The following ALMS1 variants were observed in gnomAD, a reference collection of about 807,000 sequenced individuals.
ALMS1 encodes the protein ALMS1 centrosome and basal body associated protein.
In ALMS1, 271 loss-of-function variants were observed where a neutral mutation model predicts 352.2. The ratio of observed to expected loss-of-function variants is 0.77; its 90% confidence interval spans 0.70 to 0.85. The LOEUF (loss-of-function observed/expected upper bound fraction) is 0.85, where lower values mean the gene tolerates loss of function less well. Ranked by LOEUF, ALMS1 falls within the 40% of genes least tolerant of loss-of-function variation. The pLI, the probability that ALMS1 is intolerant of heterozygous loss-of-function variation, is 0.00. For missense variants in ALMS1, 5,445 were observed against 4,870.7 expected (o/e 1.12, Z -3.51); for synonymous variants, 1,865 against 1,761.2 (o/e 1.06, Z -1.48).
intron 2 of ALMS1, among the ~76,000 whole-genome samples, chr2:73,416,110 A>T (rs973050681): frequency 2.0e-5 from 3 of 152,114 alleles, no homozygotes; most frequent in Non-Finnish European, 2.9e-5. Flanking sequence ...CTAAGAGATG[A>T]CTCGGGACCA....
chr2:73,388,858 C>T (rs965888163), intron 1 of ALMS1, among the ~76,000 whole-genome samples: 6 of 151,742 alleles, frequency 4.0e-5, no homozygotes, highest in African/African-American at 4.8e-5. Context: ...AGTGATACTC[C>T]GCCTTGGCTT....
chr2:73,568,992 C>CCTCTTTTTTTTTTT (rs1558697963), intron 15 of ALMS1, among the ~76,000 whole-genome samples: 2 of 66,904 alleles, frequency 3.0e-5, no homozygotes, highest in African/African-American at 1.0e-4. Flanking sequence ...GCTGCTTCTG[C>CCTCTTTTTTTTTTT]TTCTTTTTTT....
intron 2 of ALMS1, among the ~76,000 whole-genome samples, chr2:73,409,851 A>G (rs1671043518): frequency 6.6e-6 from 1 of 152,192 alleles, no homozygotes; most frequent in South Asian, 2.1e-4. Context: ...AGGAGGGCTG[A>G]TGGTATAGTT....
intron 6 of ALMS1, among the ~76,000 whole-genome samples, chr2:73,428,787 G>A (rs961629875): frequency 1.5e-4 from 23 of 152,178 alleles, no homozygotes; most frequent in Admixed American, 1.2e-3. Context: ...AAAGCAAGGA[G>A]CCAGATGTGG....
At chr2:73,600,002 C>G (rs1486996899) in intron 17 of ALMS1, among the ~76,000 whole-genome samples, 2 of 152,154 alleles carry the variant, frequency 1.3e-5, no homozygotes, top group East Asian at 3.8e-4. Flanking sequence ...GAATGAAATT[C>G]TACATAGAAT....
chr2:73,452,505 A>G lies in ALMS1; in HGVS notation c.5978A>G (p.Lys1993Arg), dbSNP rs770195939. ...GLSSSYSHSH[K>R]EKLKISTVHI... ...TCTAGTTCCTACTCACATTCACATA[A>G]AGAGAAACTCAAGATTTCAACTGTG... Residue 1993 changes from lysine to arginine, a missense_variant, in exon 8 of 23, where the codon AAA becomes AGA. Physicochemically the swap from Lys to Arg is conservative, Grantham distance 26. Coordinates refer to ENST00000613296, the MANE Select transcript of ALMS1 (RefSeq NM_001378454.1). 3.1e-6 allele frequency: 5 copies of G among 1,614,066 alleles called. No homozygotes were observed. Among genetic ancestry groups the G allele is most frequent in the Non-Finnish European group, 4.2e-6 (5 of 1,179,984 alleles).
chr2:73,454,337 C>G (rs1672015975), intron 8 of ALMS1: 1 of 985,070 alleles, frequency 1.0e-6, no homozygotes, highest in Non-Finnish European at 1.2e-6. Flanking sequence ...CGTTCTTGTT[C>G]TTAGGAGAAG....
intron 11 of ALMS1, among the ~76,000 whole-genome samples, chr2:73,522,510 T>C (rs1292206728): frequency 1.5e-5 from 2 of 133,852 alleles, no homozygotes; most frequent in Non-Finnish European, 3.1e-5. Flanking sequence ...TCACTCTATC[T>C]CCAGGTTGGA....
At chr2:73,552,171 A>T (rs560310839) in intron 13 of ALMS1, among the ~76,000 whole-genome samples, 3 of 152,330 alleles carry the variant, frequency 2.0e-5, no homozygotes, top group African/African-American at 7.2e-5. Flanking sequence ...GTCATTTAGC[A>T]TTAGGTATAT....
At chr2:73,405,133 C>CT (rs1670948599) in intron 1 of ALMS1, among the ~76,000 whole-genome samples, 1 of 151,908 alleles carries the variant, frequency 6.6e-6, no homozygotes, top group Non-Finnish European at 1.5e-5. Context: ...AGGCTGGTCT[C>CT]TAACTCCTGA....
chr2:73,581,643 A>G (rs1331702893), intron 16 of ALMS1, among the ~76,000 whole-genome samples: 3 of 152,170 alleles, frequency 2.0e-5, no homozygotes, highest in African/African-American at 7.2e-5. Flanking sequence ...TAGAGAAGGC[A>G]CTTTCTCCCT....
intron 4 of ALMS1, among the ~76,000 whole-genome samples, chr2:73,423,274 C>T (rs1671318220): frequency 3.3e-5 from 5 of 152,110 alleles, no homozygotes; most frequent in Non-Finnish European, 1.5e-5. Context: ...TAAACCTCCC[C>T]ATCTGCTGCC....
chr2:73,563,382 G>A (rs925453086), intron 15 of ALMS1, among the ~76,000 whole-genome samples: 1 of 152,012 alleles, frequency 6.6e-6, no homozygotes, highest in Non-Finnish European at 1.5e-5. Context: ...TTCATAAAAC[G>A]AAAACCAGGA....
intron 3 of ALMS1, among the ~76,000 whole-genome samples, chr2:73,420,666 G>A (rs1011083607): frequency 6.6e-6 from 1 of 152,170 alleles, no homozygotes; most frequent in Admixed American, 6.5e-5. Context: ...TAGGATTTTA[G>A]CACTGGGGAG....
intron 7 of ALMS1, among the ~76,000 whole-genome samples, chr2:73,440,188 G>T (rs1452975085): frequency 6.6e-6 from 1 of 152,000 alleles, no homozygotes; most frequent in Non-Finnish European, 1.5e-5. Flanking sequence ...TCACCATGTT[G>T]GCCAGGCTGG....
chr2:73,560,522 C>T (rs1175522859), intron 15 of ALMS1, among the ~76,000 whole-genome samples: 1 of 152,100 alleles, frequency 6.6e-6, no homozygotes, highest in Non-Finnish European at 1.5e-5. Flanking sequence ...AGTATATGAT[C>T]CCGCAATCCC....
chr2:73,468,855 A>G (rs1427783826), intron 9 of ALMS1, among the ~76,000 whole-genome samples: 3 of 152,012 alleles, frequency 2.0e-5, no homozygotes, highest in Admixed American at 6.6e-5. Flanking sequence ...TTCTACATCA[A>G]GGTACAAATT....
Position 73,460,851 on chromosome 2 carries a change from A to T in ALMS1, c.7674+5556A>T, listed in dbSNP as rs189037155. Among the ~76,000 whole-genome samples the T allele has an allele frequency of 6.0e-3, 919 of 152,356 alleles. 4 individuals carry two copies. Among genetic ancestry groups the T allele is most frequent in the Non-Finnish European group, 0.01 (697 of 68,028 alleles). On this transcript the variant is annotated intron_variant, in intron 9 of 22. Transcript: ENST00000613296. ...GAGTCTCGCTGATTGCTAGCACAGC[A>T]GTCTGAGATCAAACTGCAAGGCAGC...
rs777906149 is a variant in ALMS1 at position 73,419,255 on chromosome 2, T to C, written c.583T>C (p.Leu195=). The part of the protein sequence containing the change: ...TDFPSLEEGI[L]TQSENQVKEP... ...CTTCCCCTCTCTGGAGGAGGGCATA[T>C]TGACGCAATCAGAAAATCAAGTAAA... Residue 195 remains leucine (L), a synonymous_variant, in exon 3 of 23, where the codon TTG becomes CTG. Coordinates refer to ENST00000613296, the MANE Select transcript of ALMS1 (RefSeq NM_001378454.1). 1.2e-6 allele frequency: 2 copies of C among 1,614,070 alleles called. No individual in the cohort carries two copies. The highest frequency in any genetic ancestry group is 2.2e-5 in the South Asian group (2 of 91,086).
Sources: gnomAD v4.1 joint callset for allele counts (sites outside exome capture counted in the v4.1 genomes callset) on GRCh38, gnomAD v4.1.1 for gene constraint, MANE v1.5 for transcripts, NCBI Gene and HGNC (gene_info 2026-07-23, HGNC 2026-07-21) for gene names.